Variants in KLHL29 observed in about 807,000 individuals in gnomAD.
KLHL29 encodes kelch like family member 29.
A neutral mutation model predicts 80.4 loss-of-function variants in KLHL29; 21 were observed. That is an observed-to-expected ratio of 0.26 (90% CI 0.19 to 0.38). The LOEUF (loss-of-function observed/expected upper bound fraction) is 0.38. Ranked by LOEUF, KLHL29 falls within the 10% of genes least tolerant of loss-of-function variation. KLHL29 has a pLI of 1.00. For missense variants in KLHL29, 867 were observed against 1,223.9 expected, an observed-to-expected ratio of 0.71 and a Z score of 4.35; for synonymous variants, 511 against 526.8, an observed-to-expected ratio of 0.97 and a Z score of 0.41.
chr2:23,597,006 T>C (rs1349558443), intron 3 of KLHL29, among the ~76,000 whole-genome samples: 2 of 152,118 alleles, frequency 1.3e-5, no homozygotes, highest in African/African-American at 4.8e-5. Context: ...AGCAAAATAC[T>C]TTTCAGAGCT....
chr2:23,582,356 G>A (rs765802615), intron 3 of KLHL29, among the ~76,000 whole-genome samples: 16 of 152,224 alleles, frequency 1.1e-4, no homozygotes, highest in South Asian at 4.1e-4. Flanking sequence ...CTATTAAAGC[G>A]TCACACTCAG....
At chr2:23,531,116 CTG>C (rs1666477096) in intron 2 of KLHL29, among the ~76,000 whole-genome samples, 1 of 152,260 alleles carries the variant, frequency 6.6e-6, no homozygotes, top group Non-Finnish European at 1.5e-5. Context: ...GGGACTGTAT[CTG>C]GGACTCGGCA....
chr2:23,402,499 G>A (rs1382054211), intron 1 of KLHL29, among the ~76,000 whole-genome samples: 3 of 152,116 alleles, frequency 2.0e-5, no homozygotes, highest in African/African-American at 7.2e-5. Flanking sequence ...CATGCAATCC[G>A]AGTCCCAGCG....
intron 1 of KLHL29, among the ~76,000 whole-genome samples, chr2:23,450,477 C>G (rs1473179787): frequency 1.3e-5 from 2 of 152,180 alleles, no homozygotes; most frequent in Non-Finnish European, 2.9e-5. Context: ...CCTGGGGTTC[C>G]TTAGGGCCCT....
intron 3 of KLHL29, among the ~76,000 whole-genome samples, chr2:23,615,406 C>G (rs996331357): frequency 2.0e-5 from 3 of 152,190 alleles, no homozygotes; most frequent in African/African-American, 4.8e-5. Flanking sequence ...CTGAGACACC[C>G]TGAGTCGTAT....
At chr2:23,628,380 A>T (rs1669375796) in intron 3 of KLHL29, among the ~76,000 whole-genome samples, 1 of 152,082 alleles carries the variant, frequency 6.6e-6, no homozygotes, top group African/African-American at 2.4e-5. Flanking sequence ...TGGGAAGGCC[A>T]TAGGGGGCAG....
At chr2:23,622,386 T>C (rs754916071) in intron 3 of KLHL29, among the ~76,000 whole-genome samples, 3 of 152,198 alleles carry the variant, frequency 2.0e-5, no homozygotes, top group Non-Finnish European at 4.4e-5. Context: ...CCCGCTCACA[T>C]CACAGCATGT....
intron 1 of KLHL29, among the ~76,000 whole-genome samples, chr2:23,424,316 G>C (rs760859411): frequency 1.3e-5 from 2 of 152,228 alleles, no homozygotes; most frequent in East Asian, 1.9e-4. Context: ...GCATTTGCGT[G>C]TGCATGTTTC....
chr2:23,567,463 C>G (rs772351826), intron 3 of KLHL29, among the ~76,000 whole-genome samples: 4 of 152,202 alleles, frequency 2.6e-5, no homozygotes, highest in Admixed American at 6.5e-5. Context: ...CAGGCTTCAT[C>G]GTCAACACTC....
intron 3 of KLHL29, among the ~76,000 whole-genome samples, chr2:23,605,826 G>A (rs556261733): frequency 1.3e-5 from 2 of 151,396 alleles, no homozygotes; most frequent in Admixed American, 6.6e-5. Context: ...CTGGAGTGCA[G>A]TGGTGTGATC....
chr2:23,548,943 G>A (rs567413989), intron 2 of KLHL29, among the ~76,000 whole-genome samples: 16 of 152,246 alleles, frequency 1.1e-4, no homozygotes, highest in Admixed American at 6.5e-4. Context: ...TCTGAGACTC[G>A]GTTACCACCA....
chr2:23,578,636 A>G (rs986046059), intron 3 of KLHL29, among the ~76,000 whole-genome samples: 1 of 152,160 alleles, frequency 6.6e-6, no homozygotes, highest in Admixed American at 6.5e-5. Flanking sequence ...TAGGTTCTGC[A>G]TTGCTGGCAC....
chr2:23,656,300 G>A (rs1248740017), intron 5 of KLHL29, among the ~76,000 whole-genome samples: 2 of 152,194 alleles, frequency 1.3e-5, no homozygotes, highest in Non-Finnish European at 2.9e-5. Context: ...GAGGTGGGCT[G>A]TGCGCCAATG....
intron 2 of KLHL29, among the ~76,000 whole-genome samples, chr2:23,537,910 T>G (rs1056560957): frequency 6.6e-6 from 1 of 152,196 alleles, no homozygotes; most frequent in Non-Finnish European, 1.5e-5. Flanking sequence ...ACAGCCTTCA[T>G]GACAGTAGGA....
At chr2:23,429,453 TCAAAA>T (rs1663107622) in intron 1 of KLHL29, among the ~76,000 whole-genome samples, 1 of 152,210 alleles carries the variant, frequency 6.6e-6, no homozygotes, top group Non-Finnish European at 1.5e-5. Flanking sequence ...AATTGCCTCA[TCAAAA>T]GTTTGTGAAA....
intron 1 of KLHL29, among the ~76,000 whole-genome samples, chr2:23,412,075 G>T (rs1262393893): frequency 6.7e-6 from 1 of 149,334 alleles, no homozygotes. Context: ...TGGTTTCCAT[G>T]CTTGGAGTAT....
chr2:23,629,939 C>T (rs1031813222), intron 3 of KLHL29, among the ~76,000 whole-genome samples: 1 of 152,074 alleles, frequency 6.6e-6, no homozygotes, highest in South Asian at 2.1e-4. Flanking sequence ...CGAACAGCAC[C>T]GGGAGGAGGC....
At chr2:23,506,771 A>G (rs2103458796) in intron 2 of KLHL29, among the ~76,000 whole-genome samples, 1 of 152,254 alleles carries the variant, frequency 6.6e-6, no homozygotes, top group South Asian at 2.1e-4. Flanking sequence ...CCAGCCATGT[A>G]GGGGACACCA....
At chr2:23,658,380 T>G (rs1227688679) in intron 5 of KLHL29, among the ~76,000 whole-genome samples, 2 of 152,120 alleles carry the variant, frequency 1.3e-5, no homozygotes, top group African/African-American at 4.8e-5. Context: ...GGTGACAAGA[T>G]CTGGCCTCAC....
Sources: allele counts gnomAD v4.1 joint callset (sites outside exome capture counted in the v4.1 genomes callset), GRCh38; gene constraint gnomAD v4.1.1; transcripts MANE v1.5; gene names NCBI Gene and HGNC (gene_info 2026-07-23, HGNC 2026-07-21).